The following FBXO34 variants were observed in gnomAD, a reference collection of about 807,000 sequenced individuals.
FBXO34 encodes F-box only protein 34.
In FBXO34, 12 loss-of-function variants were observed where a neutral mutation model predicts 24.5. The observed-to-expected ratio is 0.49, with a 90% CI of 0.31 to 0.79. The LOEUF (loss-of-function observed/expected upper bound fraction) is 0.79, where lower values mean the gene tolerates loss of function less well. Among genes scored for constraint, FBXO34 ranks in the 30% least tolerant of loss-of-function variants. The pLI, the probability that FBXO34 is intolerant of heterozygous loss-of-function variation, is 0.04. For missense variants in FBXO34, 823 were observed against 857.7 expected (o/e 0.96, Z 0.51); for synonymous variants, 320 against 311.9 (o/e 1.03, Z -0.27).
chr14:55,339,388 C>CCA (rs978026264), intron 1 of FBXO34: 1 of 145,752 alleles, frequency 6.9e-6, no homozygotes, highest in African/African-American at 2.6e-5. Flanking sequence ...GCCCCCCCCC[C>CCA]CAATCCTGGA....
intron 1 of FBXO34, among the ~76,000 whole-genome samples, chr14:55,327,908 G>GTTTTTTTTTTTTTTTT (rs386381425): frequency 6.2e-5 from 3 of 48,728 alleles, no homozygotes; most frequent in Admixed American, 3.5e-4. Flanking sequence ...GTTGTTGTTG[G>GTTTTTTTTTTTTTTTT]TTTTTTTTTT....
intron 1 of FBXO34, among the ~76,000 whole-genome samples, chr14:55,313,796 T>C (rs1302181961): frequency 6.6e-6 from 1 of 152,188 alleles, no homozygotes; most frequent in African/African-American, 2.4e-5. Flanking sequence ...CCCACCATGA[T>C]TCATTTACCT....
At chr14:55,400,730 C>T in the FBXO34 span, among the ~76,000 whole-genome samples, 1 of 152,044 alleles carries the variant, frequency 6.6e-6, no homozygotes, top group Admixed American at 6.6e-5. Context: ...TGGCGAAACT[C>T]TGTCTCTACT....
At chr14:55,321,348 C>T (rs1030840690) in intron 1 of FBXO34, among the ~76,000 whole-genome samples, 1 of 152,116 alleles carries the variant, frequency 6.6e-6, no homozygotes, top group South Asian at 2.1e-4. Flanking sequence ...TTCCCTGGCT[C>T]CCTTGCATTG....
intron 1 of FBXO34, among the ~76,000 whole-genome samples, chr14:55,348,746 T>C (rs1168126180): frequency 6.6e-6 from 1 of 152,212 alleles, no homozygotes; most frequent in East Asian, 1.9e-4. Context: ...CTAGAAGATA[T>C]CAATATCCAT....
At chr14:55,302,866 G>T (rs1364103070) in intron 1 of FBXO34, among the ~76,000 whole-genome samples, 1 of 152,184 alleles carries the variant, frequency 6.6e-6, no homozygotes, top group Non-Finnish European at 1.5e-5. Context: ...GGCAAATGCG[G>T]CAAAGAATTA....
At chr14:55,299,660 CT>C (rs1397190838) in intron 1 of FBXO34, among the ~76,000 whole-genome samples, 1 of 152,062 alleles carries the variant, frequency 6.6e-6, no homozygotes, top group Non-Finnish European at 1.5e-5. Flanking sequence ...CCTCAGATTC[CT>C]TTTGATTATC....
At chr14:55,420,541 T>C in the FBXO34 span, among the ~76,000 whole-genome samples, 1 of 152,216 alleles carries the variant, frequency 6.6e-6, no homozygotes, top group Non-Finnish European at 1.5e-5. Flanking sequence ...CAGTAGTAAG[T>C]CATGGATTAA....
the FBXO34 span, among the ~76,000 whole-genome samples, chr14:55,421,422 A>G: frequency 6.6e-6 from 1 of 152,188 alleles, no homozygotes; most frequent in African/African-American, 2.4e-5. Context: ...GTTTTGCTGC[A>G]TTCAAAACGT....
At chr14:55,271,822 G>C (rs1414578282) in intron 1 of FBXO34, 2 of 151,820 alleles carry the variant, frequency 1.3e-5, no homozygotes, top group East Asian at 3.9e-4. Flanking sequence ...GGTCCCCGCT[G>C]AAGCCGAGGA....
At chr14:55,344,375 A>G (rs1447188113) in intron 1 of FBXO34, among the ~76,000 whole-genome samples, 1 of 151,996 alleles carries the variant, frequency 6.6e-6, no homozygotes, top group Non-Finnish European at 1.5e-5. Flanking sequence ...AAAATTTTGG[A>G]AAAAGAGTTG....
At chr14:55,405,983 G>T in the FBXO34 span, among the ~76,000 whole-genome samples, 1 of 152,076 alleles carries the variant, frequency 6.6e-6, no homozygotes, top group Non-Finnish European at 1.5e-5. Context: ...GGATGATGTG[G>T]GTGAGGATAC....
chr14:55,409,014 T>C, the FBXO34 span, among the ~76,000 whole-genome samples: 2 of 152,178 alleles, frequency 1.3e-5, no homozygotes, highest in Admixed American at 1.3e-4. Context: ...TACATTTCTA[T>C]TGTGGCTGCT....
intron 1 of FBXO34, among the ~76,000 whole-genome samples, chr14:55,312,451 C>G (rs993472552): frequency 6.6e-6 from 1 of 152,182 alleles, no homozygotes; most frequent in Non-Finnish European, 1.5e-5. Context: ...GCCCTCTTCT[C>G]ACAGCTCAAC....
At chr14:55,321,157 A>G (rs919387377) in intron 1 of FBXO34, among the ~76,000 whole-genome samples, 1 of 135,026 alleles carries the variant, frequency 7.4e-6, no homozygotes, top group African/African-American at 2.7e-5. Context: ...CAAGGCTGAT[A>G]TGGGCGGTTT....
rs1280805173 is a variant in FBXO34 at position 55,351,127 on chromosome 14, C to A, written c.737C>A (p.Pro246His). 1 of 1,614,176 alleles carries A rather than the reference C, an allele frequency of 6.2e-7. No homozygotes were observed. Among genetic ancestry groups the A allele is most frequent in the Non-Finnish European group, 8.5e-7 (1 of 1,180,036 alleles). The change falls in exon 2 of 2, where the codon CCT (proline) becomes CAT (histidine). Residue 246 changes from proline to histidine, a missense_variant. Physicochemically the swap from Pro to His is moderately conservative, Grantham distance 77. Around this residue, in one of 2 missense-constraint regions of FBXO34, gnomAD observed 693 missense variants for 659.1 expected, o/e 1.05. Transcript: ENST00000313833. ...TTTTCTGGCCAATCCAGAGGTGTGCCTGCAGTGTCTGAGTCCTATTCTGCC... is the reference window on the plus strand; with the variant it reads ...TTTTCTGGCCAATCCAGAGGTGTGCATGCAGTGTCTGAGTCCTATTCTGCC... Reference protein sequence around the residue: ...VRFSGQSRGVPAVSESYSAPG... With the variant: ...VRFSGQSRGVHAVSESYSAPG...
chr14:55,367,884 A>G (rs45508795), exon 3 of FBXO34: 2 of 152,464 alleles, frequency 1.3e-5, no homozygotes, highest in Non-Finnish European at 2.9e-5. Flanking sequence ...CAAAACACCA[A>G]ATATACCATT....
chr14:55,369,828 C>T (rs372330344), downstream of FBXO34: 161 of 1,614,096 alleles, frequency 1.0e-4, no homozygotes, highest in Admixed American at 4.5e-4. Flanking sequence ...TCATCGCTGA[C>T]GCGCTCATCT....
At chr14:55,375,351 C>A in the FBXO34 span, among the ~76,000 whole-genome samples, 1 of 152,154 alleles carries the variant, frequency 6.6e-6, no homozygotes, top group African/African-American at 2.4e-5. Flanking sequence ...TGTGAAGAGA[C>A]AGGGCTTCAT....
Sources: gnomAD v4.1 joint callset for allele counts (sites outside exome capture counted in the v4.1 genomes callset) on GRCh38, gnomAD v4.1.1 for gene constraint, gnomAD v4.1.1 regional missense constraint, MANE v1.5 for transcripts, NCBI Gene and HGNC (gene_info 2026-07-23, HGNC 2026-07-21) for gene names.